The following GALNT10 variants were observed in gnomAD, a reference collection of about 807,000 sequenced individuals.
GALNT10 encodes the protein polypeptide N-acetylgalactosaminyltransferase 10.
In GALNT10, 41 loss-of-function variants were observed where a neutral mutation model predicts 75.0. The observed-to-expected ratio is 0.55, with a 90% confidence interval of 0.43 to 0.71. The LOEUF is 0.71. GALNT10 is among the 30% of genes least tolerant of loss of function. The probability of loss-of-function intolerance (pLI) is 0.00; values close to 1 mark genes in which losing one functional copy is unlikely to be tolerated. For missense variants in GALNT10, 727 were observed against 818.5 expected, an observed-to-expected ratio of 0.89 and a Z score of 1.36; for synonymous variants, 302 against 313.0, an observed-to-expected ratio of 0.96 and a Z score of 0.37.
At chr5:154,214,516 G>T (rs1752834651) in intron 1 of GALNT10, among the ~76,000 whole-genome samples, 1 of 128,936 alleles carries the variant, frequency 7.8e-6, no homozygotes, top group South Asian at 2.4e-4. Flanking sequence ...CCTCACTTTA[G>T]ACTAAAATGC....
chr5:154,400,634 G>A (rs907490293), intron 7 of GALNT10, among the ~76,000 whole-genome samples: 1 of 152,202 alleles, frequency 6.6e-6, no homozygotes, highest in Non-Finnish European at 1.5e-5. Context: ...ACATAATCCT[G>A]TGAATAATTA....
chr5:154,260,079 G>A (rs1446730402), intron 1 of GALNT10, among the ~76,000 whole-genome samples: 2 of 152,150 alleles, frequency 1.3e-5, no homozygotes, highest in African/African-American at 4.8e-5. Flanking sequence ...ACTTGTGGAT[G>A]TTTTGTTTGT....
chr5:154,223,709 T>G (rs12522133), intron 1 of GALNT10, among the ~76,000 whole-genome samples: 1 of 151,506 alleles, frequency 6.6e-6, no homozygotes, highest in Non-Finnish European at 1.5e-5. Context: ...CACCTGAGGT[T>G]AGGAATTTGA....
chr5:154,360,699 TA>T (rs1465794393), intron 4 of GALNT10, among the ~76,000 whole-genome samples: 2 of 152,310 alleles, frequency 1.3e-5, no homozygotes, highest in Non-Finnish European at 2.9e-5. Flanking sequence ...CAAACCAGAT[TA>T]AAGATCATGG....
chr5:154,344,060 T>A (rs1275826976), intron 4 of GALNT10, among the ~76,000 whole-genome samples: 1 of 152,154 alleles, frequency 6.6e-6, no homozygotes, highest in Non-Finnish European at 1.5e-5. Context: ...TCATATTACA[T>A]TAGAATCACG....
chr5:154,390,583 C>T (rs960972419), intron 7 of GALNT10, among the ~76,000 whole-genome samples: 2 of 152,168 alleles, frequency 1.3e-5, no homozygotes, highest in African/African-American at 4.8e-5. Context: ...TTAAAAGCTT[C>T]GTTTTTTTTC....
chr5:154,210,968 G>A (rs766837786), intron 1 of GALNT10, among the ~76,000 whole-genome samples: 1 of 152,294 alleles, frequency 6.6e-6, no homozygotes. Flanking sequence ...ATGGGGGAGA[G>A]GGAGAGAGAG....
intron 1 of GALNT10, among the ~76,000 whole-genome samples, chr5:154,230,115 T>G (rs1182435687): frequency 7.2e-5 from 11 of 152,212 alleles, no homozygotes; most frequent in Non-Finnish European, 1.5e-4. Flanking sequence ...AATAGACTTG[T>G]GTTGAGGTAG....
rs1035423800 is a variant in GALNT10, at chr5:154,190,769, T to A, written c.-98T>A. ...GGGCCGGCGCCGCAGCCGCTTCTGC[T>A]GGCTGAGCTGCTGCCGCCGCCGGGC... On this transcript the variant is annotated 5_prime_UTR_variant, in exon 1 of 12. Transcript: ENST00000297107. 2 of 462,864 alleles carry A rather than the reference T, an allele frequency of 4.3e-6. No homozygotes were observed. The highest frequency in any genetic ancestry group is 2.2e-5 in the African/African-American group (1 of 46,008). 28.7% of individuals were successfully genotyped at this position (462,864 alleles called of 1,614,324 possible).
In GALNT10 at chr5:154,317,494, C is replaced by T. The variant is rs530094875; in HGVS notation, c.402-12078C>T. 3.3e-4 allele frequency among the ~76,000 whole-genome samples: 50 copies of T among 152,284 alleles called. No individual in the cohort carries two copies. The South Asian group carries it at 0.01, about 31-fold the overall frequency. On this transcript the variant is annotated intron_variant, in intron 3 of 11. Transcript: ENST00000297107. Reference sequence around the variant, plus strand: ...TGGTCACAAGCAAGCTGAGTTATCTCCCTTTCCTCCCAATCCCATCATGGC... The same window carrying T: ...TGGTCACAAGCAAGCTGAGTTATCTTCCTTTCCTCCCAATCCCATCATGGC...
At chr5:154,221,951 T>C (rs982629698) in intron 1 of GALNT10, among the ~76,000 whole-genome samples, 1 of 152,212 alleles carries the variant, frequency 6.6e-6, no homozygotes, top group African/African-American at 2.4e-5. Context: ...TACTTTTTTT[T>C]CCGTGAAGCT....
chr5:154,203,636 A>G (rs568966481), intron 1 of GALNT10, among the ~76,000 whole-genome samples: 12 of 152,204 alleles, frequency 7.9e-5, no homozygotes, highest in Non-Finnish European at 1.5e-4. Context: ...AAATGCCTAC[A>G]AAACTTAATT....
intron 1 of GALNT10, among the ~76,000 whole-genome samples, chr5:154,262,381 T>C (rs1237790563): frequency 6.6e-6 from 1 of 152,106 alleles, no homozygotes; most frequent in African/African-American, 2.4e-5. Context: ...TTAGCTACAG[T>C]CTGAAATGTG....
chr5:154,295,784 T>G (rs560374365), intron 2 of GALNT10, among the ~76,000 whole-genome samples: 1 of 152,354 alleles, frequency 6.6e-6, no homozygotes, highest in East Asian at 1.9e-4. Context: ...TCATGCTTCC[T>G]GCTTTGACAA....
chr5:154,344,858 G>C (rs1281138641), intron 4 of GALNT10, among the ~76,000 whole-genome samples: 1 of 152,162 alleles, frequency 6.6e-6, no homozygotes, highest in Non-Finnish European at 1.5e-5. Flanking sequence ...ACTTCCTAAA[G>C]TCATATGGCT....
chr5:154,305,827 G>A (rs1754425643), intron 3 of GALNT10, among the ~76,000 whole-genome samples: 1 of 152,150 alleles, frequency 6.6e-6, no homozygotes, highest in Admixed American at 6.5e-5. Flanking sequence ...AGACCAGCCT[G>A]ACCAACATGG....
intron 1 of GALNT10, among the ~76,000 whole-genome samples, chr5:154,204,242 A>G (rs1775071622): frequency 6.6e-6 from 1 of 152,168 alleles, no homozygotes; most frequent in Non-Finnish European, 1.5e-5. Context: ...TTTGATACTC[A>G]GTGAGGCCCT....
At chr5:154,211,919 A>C (rs1303853270) in intron 1 of GALNT10, among the ~76,000 whole-genome samples, 1 of 152,202 alleles carries the variant, frequency 6.6e-6, no homozygotes, top group Non-Finnish European at 1.5e-5. Flanking sequence ...TGGTCTCCAA[A>C]GCTATATATC....
intron 1 of GALNT10, among the ~76,000 whole-genome samples, chr5:154,195,075 G>A (rs978530324): frequency 5.3e-5 from 8 of 152,124 alleles, no homozygotes; most frequent in Non-Finnish European, 8.8e-5. Flanking sequence ...CCAGTGACAC[G>A]GTAACAGATA....
Sources: gnomAD v4.1 joint callset for allele counts (sites outside exome capture counted in the v4.1 genomes callset) on GRCh38, gnomAD v4.1.1 for gene constraint, MANE v1.5 for transcripts, NCBI Gene and HGNC (gene_info 2026-07-23, HGNC 2026-07-21) for gene names.